ADCY7: variants seen among roughly 807,000 people sequenced by gnomAD.
ADCY7 encodes the protein adenylate cyclase type 7.
ADCY7 carries 72 observed loss-of-function variants against 120.6 expected under a neutral mutation model. The observed-to-expected ratio is 0.60, with a 90% CI of 0.49 to 0.73. ADCY7 has a LOEUF of 0.73. Ranked by LOEUF, ADCY7 falls within the 30% of genes least tolerant of loss-of-function variation. The pLI is 0.00. For synonymous variants in ADCY7, 661 were observed against 628.0 expected, an observed-to-expected ratio of 1.05 and a Z score of -0.78; for missense variants, 1,227 against 1,486.0, an observed-to-expected ratio of 0.83 and a Z score of 2.87.
At chr16:50,308,211 G>T in intron 15 of ADCY7, 116 bp from the exon 16 acceptor site, 1 of 1,579,462 alleles carries the variant, frequency 6.3e-7, no homozygotes, top group South Asian at 1.1e-5. Context: ...CCCCTTTGCT[G>T]TGGGCAGAAT....
chr16:50,316,244 G>A lies in ADCY7; in HGVS notation c.*739G>A, dbSNP rs899580287. The A allele has an allele frequency of 6.6e-6, 1 of 152,314 alleles. No homozygotes were observed. Among genetic ancestry groups the A allele is most frequent in the African/African-American group, 2.4e-5 (1 of 41,422 alleles). The allele number at this position is 152,314 out of a possible 1,614,324, so 9.4% of individuals were successfully genotyped here. A position where few individuals can be genotyped will look rare whatever the true frequency, so the allele number is the denominator to read the frequency against. On this transcript the variant is annotated 3_prime_UTR_variant, in exon 26 of 26. Transcript: ENST00000673801. ...GACTACTGTCTAGCATCAGCTTATGGGGTCAGCTGGCTGTGGGGATAGAGT... is the reference window on the plus strand; with the variant it reads ...GACTACTGTCTAGCATCAGCTTATGAGGTCAGCTGGCTGTGGGGATAGAGT...
At chr16:50,312,235 T>C (rs553781745) in intron 21 of ADCY7, 44 bp downstream of exon 21, 4 of 1,606,086 alleles carry the variant, frequency 2.5e-6, no homozygotes, top group South Asian at 1.1e-5. Context: ...AGGCGGACGG[T>C]CCAGGCGCAG....
At position 50,300,552 on chromosome 16, in the gene ADCY7, C is replaced by T. The variant is rs560599294; in HGVS notation, c.1077-163C>T. Among the ~76,000 whole-genome samples, 3 of 152,332 alleles carry T rather than the reference C, an allele frequency of 2.0e-5. 1 individual carries two copies. The South Asian group carries it at 6.2e-4, about 32-fold the overall frequency. On this transcript the variant is annotated intron_variant, in intron 8 of 25. Transcript: ENST00000673801. Reference sequence around the variant, plus strand: ...ATGCTCCTGGGGATGGGGCACTCAGCTCTTCCTGAAGAGGCAGCCCCATCA... The same window carrying T: ...ATGCTCCTGGGGATGGGGCACTCAGTTCTTCCTGAAGAGGCAGCCCCATCA...
chr16:50,261,888 GACCTTA>G (rs1486658713), upstream of ADCY7, among the ~76,000 whole-genome samples: 3 of 152,154 alleles, frequency 2.0e-5, no homozygotes, highest in South Asian at 4.1e-4. Context: ...GTGAACCCCC[GACCTTA>G]GGGGAAGGAA....
chr16:50,299,087 G>T, intron 8 of ADCY7, 56 bp downstream of exon 8: 1 of 1,534,168 alleles, frequency 6.5e-7, no homozygotes, highest in Non-Finnish European at 8.7e-7. Context: ...ACCCTCCTGG[G>T]CATGGTAGGG....
rs1597006168 is a variant in ADCY7 at position 50,315,509 on chromosome 16, C to T, written c.*4C>T. The stretch of plus-strand genomic sequence containing the variant: ...TCAGGGGCTGGGGCTGAACTGAGGG[C>T]TCCTGCTGGATTCCGAAAAGGCCGG... On this transcript the variant is annotated 3_prime_UTR_variant, in exon 26 of 26. Transcript: ENST00000673801. 1.9e-6 allele frequency: 3 copies of T among 1,602,758 alleles called. No homozygotes were observed. The highest frequency in any genetic ancestry group is 1.7e-4 in the Middle Eastern group (1 of 6,042).
chr16:50,292,464 G>C (rs2035049669), intron 4 of ADCY7, among the ~76,000 whole-genome samples: 1 of 152,174 alleles, frequency 6.6e-6, no homozygotes, highest in Admixed American at 6.5e-5. Flanking sequence ...GCCTCCCTGG[G>C]TGTCCTGGTC....
chr16:50,280,074 G>A (rs919188068), intron 1 of ADCY7, among the ~76,000 whole-genome samples: 5 of 152,030 alleles, frequency 3.3e-5, no homozygotes, highest in African/African-American at 9.7e-5. Flanking sequence ...ATCAGGTCCT[G>A]GCCTTTTATT....
rs1469041497 is a variant in ADCY7, at chr16:50,317,395, G to C, written c.*1890G>C. 1 of 150,352 alleles carries C rather than the reference G, an allele frequency of 6.7e-6. No individual in the cohort carries two copies. 9.3% of individuals were successfully genotyped at this position (150,352 alleles called of 1,614,324 possible). On this transcript the variant is annotated 3_prime_UTR_variant, in exon 26 of 26. Transcript: ENST00000673801. ...GCAGTGACCAGGGCTGCCCGGCGGGGGCTCTCCTGGCAAGTCAGGAAGGTT... is the reference window on the plus strand; with the variant it reads ...GCAGTGACCAGGGCTGCCCGGCGGGCGCTCTCCTGGCAAGTCAGGAAGGTT...
At position 50,314,311 on chromosome 16, in the gene ADCY7, C is replaced by A. The variant is rs1167717341; in HGVS notation, c.2876C>A (p.Ala959Asp). Residue 959 changes from alanine (A) to aspartate (D), a missense_variant, in exon 24 of 26, where the codon GCC becomes GAC. Ala to Asp is a moderately radical substitution (Grantham distance 126, BLOSUM62 -2). Around this residue, in one of 5 missense-constraint regions of ADCY7, gnomAD observed 244 missense variants for 332.8 expected, o/e 0.73. Coordinates refer to ENST00000673801, the MANE Select transcript of ADCY7 (RefSeq NM_001114.5). ...CCGCAGGAGCTGGAGCGGCAGCATG[C>A]CCACATTGGTGTCATGGTGGAGTTC... ...HENQELERQHAHIGVMVEFSI... is the reference protein window; with the variant it reads ...HENQELERQHDHIGVMVEFSI... 6.2e-7 allele frequency: 1 copy of A among 1,613,938 alleles called. No homozygotes were observed. Among genetic ancestry groups the A allele is most frequent in the East Asian group, 2.2e-5 (1 of 44,888 alleles).
chr16:50,312,941 C>A lies in ADCY7; in HGVS notation c.2656C>A (p.Pro886Thr). ...CGTCTGTGTCATGTTTGCCTCCGTGCCGGACTTCAAAGTGTTCTACACAGA... is the reference window on the plus strand; with the variant it reads ...CGTCTGTGTCATGTTTGCCTCCGTGACGGACTTCAAAGTGTTCTACACAGA... ...DCVCVMFASV[P>T]DFKVFYTECD... The change falls in exon 22 of 26, where the codon CCG (proline) becomes ACG (threonine). Residue 886 changes from proline to threonine, a missense_variant. By Grantham distance (38) the Pro-to-Thr change is conservative. This residue lies in a region of ADCY7 where 244 missense variants were observed against 332.8 expected (regional missense o/e 0.73). Coordinates refer to ENST00000673801, the MANE Select transcript of ADCY7 (RefSeq NM_001114.5). 6.2e-7 allele frequency: 1 copy of A among 1,614,134 alleles called. No individual in the cohort carries two copies. Among genetic ancestry groups the A allele is most frequent in the Non-Finnish European group, 8.5e-7 (1 of 1,180,014 alleles).
In ADCY7 at chr16:50,312,117, G is replaced by A. The variant is rs750630009; in HGVS notation, c.2530G>A (p.Val844Met). The A allele has an allele frequency of 7.4e-6, 12 of 1,614,234 alleles. No homozygotes were observed. In the Admixed American group the frequency reaches 8.3e-5, roughly 11 times the overall value. ...EHEEFETMEN[V>M]NRLLLENVLP... Reference sequence around the variant, plus strand: ...CGAGGAGTTTGAGACCATGGAGAACGTGAACCGCCTTCTTCTGGAGAACGT... The same window carrying A: ...CGAGGAGTTTGAGACCATGGAGAACATGAACCGCCTTCTTCTGGAGAACGT... The change falls in exon 21 of 26, where the codon GTG becomes ATG. Residue 844 changes from valine to methionine, a missense_variant. Transcript: ENST00000673801.
chr16:50,308,042 G>A (rs971412952), intron 15 of ADCY7, among the ~76,000 whole-genome samples: 6 of 151,284 alleles, frequency 4.0e-5, no homozygotes, highest in Admixed American at 2.0e-4. Flanking sequence ...TAGGGAATGC[G>A]TTTTTACAGT....
rs2036634144 is a variant in ADCY7, at chr16:50,313,952, C to T, written c.2752-6C>T. ...GGCTGCTTCACCGCTTCCTTCTTGC[C>T]TGCAGCTCCTACTGAAGCCCAAGTT... On this transcript the variant is annotated splice_polypyrimidine_tract_variant and splice_region_variant and intron_variant, in intron 22 of 25. Coordinates refer to ENST00000673801, the MANE Select transcript of ADCY7 (RefSeq NM_001114.5). The T allele has an allele frequency of 2.5e-6, 4 of 1,611,198 alleles. No homozygotes were observed. Among genetic ancestry groups the T allele is most frequent in the Non-Finnish European group, 3.4e-6 (4 of 1,177,998 alleles).
chr16:50,292,309 A>G (rs2035038438), intron 4 of ADCY7, among the ~76,000 whole-genome samples: 1 of 152,160 alleles, frequency 6.6e-6, no homozygotes, highest in South Asian at 2.1e-4. Flanking sequence ...GGGTGTTTAG[A>G]GAAGTGTTTT....
intron 23 of ADCY7, 24 bp downstream of exon 23, chr16:50,314,086 T>C (rs1567585530): frequency 6.2e-7 from 1 of 1,603,862 alleles, no homozygotes; most frequent in Non-Finnish European, 8.5e-7. Flanking sequence ...AGAGGTGAAA[T>C]TCAGCTGACT....
In ADCY7 at chr16:50,315,348, T is replaced by C. The variant is rs1156715178; in HGVS notation, c.3097-11T>C. ...CGCCTCTGAAGACAACAGGTCTCTC[T>C]TCCTTTTCAGGTTACCGAGGAGACC... On this transcript the variant is annotated splice_polypyrimidine_tract_variant and intron_variant, in intron 25 of 25. Transcript: ENST00000673801. 16 of 1,602,044 alleles carry C rather than the reference T, an allele frequency of 1.0e-5. No homozygotes were observed. The highest frequency in any genetic ancestry group is 1.4e-5 in the Non-Finnish European group (16 of 1,170,044).
chr16:50,314,489 C>A, intron 24 of ADCY7, 83 bp downstream of exon 24: 1 of 1,008,742 alleles, frequency 9.9e-7, no homozygotes, highest in South Asian at 1.4e-5. Context: ...CTGCACCTCG[C>A]CATCTATTAT....
chr16:50,287,876 C>G (rs1308387687), intron 1 of ADCY7, 36 bp from the exon 2 acceptor site: 2 of 339,582 alleles, frequency 5.9e-6, no homozygotes, highest in Non-Finnish European at 1.1e-5. Flanking sequence ...TGACTTGGAC[C>G]ATTAGGTCAA....
Sources: allele counts gnomAD v4.1 joint callset (sites outside exome capture counted in the v4.1 genomes callset), GRCh38; gene constraint gnomAD v4.1.1; regional missense constraint gnomAD v4.1.1; transcripts MANE v1.5; gene names NCBI Gene and HGNC (gene_info 2026-07-23, HGNC 2026-07-21).